HLTF: variants seen among roughly 807,000 people sequenced by gnomAD.
HLTF encodes helicase like transcription factor.
Under a neutral mutation model 129.4 loss-of-function variants are expected in HLTF, and 127 were observed. The observed-to-expected ratio is 0.98, with a 90% CI of 0.85 to 1.14. The LOEUF (loss-of-function observed/expected upper bound fraction) is 1.14. HLTF is among the 50% of genes most tolerant of loss of function. The pLI is 0.00. For synonymous variants in HLTF, 332 were observed against 388.8 expected (o/e 0.85, Z 1.72); for missense variants, 1,139 against 1,187.1 (o/e 0.96, Z 0.60).
At chr3:149,055,501 G>A in intron 13 of HLTF, 101 bp from the exon 14 acceptor site, 4 of 759,030 alleles carry the variant, frequency 5.3e-6, no homozygotes, top group Non-Finnish European at 8.9e-6. Flanking sequence ...AGATAAATTA[G>A]GAACAATTAA....
intron 19 of HLTF, 55 bp downstream of exon 19, chr3:149,042,111 C>A (rs1336448082): frequency 4.9e-5 from 75 of 1,530,050 alleles, no homozygotes; most frequent in Non-Finnish European, 6.4e-5. Context: ...ATTTATCACT[C>A]TTATTTAAGT....
At position 149,080,719 on chromosome 3, in the gene HLTF, ATAAG is replaced by A. The variant is rs1302452255; in HGVS notation, c.228+3959_228+3962del. Among the ~76,000 whole-genome samples, 5 of 152,224 alleles carry A rather than the reference ATAAG, an allele frequency of 3.3e-5. No individual in the cohort carries two copies. In the South Asian group the frequency reaches 8.3e-4, roughly 25 times the overall value. On this transcript the variant is annotated intron_variant, in intron 2 of 24. Transcript: ENST00000310053. ...TACAATTAGTTAACTGTCGTTACAA[ATAAG>A]TAATTACTAGAATTTTAAATAAAAT...
chr3:149,065,703 A>T (rs1372250485), intron 8 of HLTF, among the ~76,000 whole-genome samples: 1 of 152,070 alleles, frequency 6.6e-6, no homozygotes, highest in Non-Finnish European at 1.5e-5. Flanking sequence ...GGTGGCGGGC[A>T]CCTGTAATCC....
chr3:149,064,796 C>G lies in HLTF; in HGVS notation c.1061G>C (p.Ser354Thr), dbSNP rs755238421. 6.4e-7 allele frequency: 1 copy of G among 1,563,304 alleles called. No homozygotes were observed. The highest frequency in any genetic ancestry group is 2.2e-5 in the East Asian group (1 of 44,532). The change falls in exon 9 of 25, where the codon AGC becomes ACC. Residue 354 changes from serine (S) to threonine (T), a missense_variant. Physicochemically the swap from Ser to Thr is moderately conservative, Grantham distance 58. Transcript: ENST00000310053. ...NNTSEKADGLSKDASRCSEQP... is the reference protein window; with the variant it reads ...NNTSEKADGLTKDASRCSEQP... ...ATTTCAAAATTAGCATTTACCTTTG[C>G]TTAGTCCATCTGCCTTTTCACTGGT...
At chr3:149,066,529 ATT>A (rs775984967) in intron 8 of HLTF, among the ~76,000 whole-genome samples, 2 of 143,068 alleles carry the variant, frequency 1.4e-5, no homozygotes, top group African/African-American at 5.1e-5. Context: ...AAGAGTGACA[ATT>A]TTTTTTTTTT....
chr3:149,084,538 G>T, intron 2 of HLTF, 144 bp downstream of exon 2: 1 of 648,324 alleles, frequency 1.5e-6, no homozygotes, highest in South Asian at 2.0e-5. Context: ...GTCACTTAAG[G>T]TATTTGTTAT....
At chr3:149,043,847 G>A (rs1173276705) in intron 18 of HLTF, among the ~76,000 whole-genome samples, 2 of 152,120 alleles carry the variant, frequency 1.3e-5, no homozygotes, top group Non-Finnish European at 2.9e-5. Context: ...CAGTGGCATT[G>A]TAAAAGTACC....
chr3:149,081,127 CTT>C (rs1719826876), intron 2 of HLTF, among the ~76,000 whole-genome samples: 2 of 151,986 alleles, frequency 1.3e-5, no homozygotes, highest in South Asian at 2.1e-4. Flanking sequence ...TCACCTAACA[CTT>C]TTCTCAGAAA....
chr3:149,074,392 CT>C, intron 3 of HLTF, 44 bp from the exon 4 acceptor site: 1 of 1,540,246 alleles, frequency 6.5e-7, no homozygotes. Context: ...AGAAGCATTA[CT>C]TTTTATCCCC....
At chr3:149,035,527 G>C (rs1715500615) in intron 23 of HLTF, among the ~76,000 whole-genome samples, 1 of 150,916 alleles carries the variant, frequency 6.6e-6, no homozygotes, top group Admixed American at 6.6e-5. Flanking sequence ...GAGAGGTGGC[G>C]GGCGCCTGTA....
At chr3:149,036,595 C>T (rs991432118) in intron 23 of HLTF, among the ~76,000 whole-genome samples, 3 of 151,806 alleles carry the variant, frequency 2.0e-5, no homozygotes, top group Non-Finnish European at 2.9e-5. Flanking sequence ...GGCCATATTA[C>T]CCCAATACTT....
chr3:149,071,551 G>A, intron 6 of HLTF, 32 bp downstream of exon 6: 1 of 1,489,366 alleles, frequency 6.7e-7, no homozygotes, highest in Non-Finnish European at 9.3e-7. Context: ...AACATTCTGA[G>A]TAGTCTTAAA....
At chr3:149,062,232 T>C (rs181468952) in intron 10 of HLTF, among the ~76,000 whole-genome samples, 2 of 152,320 alleles carry the variant, frequency 1.3e-5, no homozygotes, top group Admixed American at 1.3e-4. Context: ...GTGTGTCAGC[T>C]GTTGTTAAGT....
At chr3:149,046,001 C>T in intron 18 of HLTF, 79 bp downstream of exon 18, 1 of 1,006,500 alleles carries the variant, frequency 9.9e-7, no homozygotes, top group Non-Finnish European at 1.5e-6. Flanking sequence ...ATTGCTAACA[C>T]ATCTAAATAA....
chr3:149,038,685 C>CT (rs1353623471), intron 23 of HLTF, among the ~76,000 whole-genome samples: 9 of 151,786 alleles, frequency 5.9e-5, no homozygotes, highest in Non-Finnish European at 8.8e-5. Context: ...TTTTCTGGTA[C>CT]TTTTTTTTGT....
chr3:149,073,609 G>A (rs1719064126), intron 4 of HLTF, among the ~76,000 whole-genome samples: 1 of 152,170 alleles, frequency 6.6e-6, no homozygotes, highest in Non-Finnish European at 1.5e-5. Context: ...TGGAAGGACT[G>A]CTGGAGCCCA....
At chr3:149,073,076 T>C (rs967505914) in intron 5 of HLTF, 149 bp downstream of exon 5, 10 of 450,374 alleles carry the variant, frequency 2.2e-5, no homozygotes, top group African/African-American at 1.8e-4. Flanking sequence ...CATATATATA[T>C]TCTATTTATT....
chr3:149,034,043 G>A lies in HLTF; in HGVS notation c.2877+875C>T, dbSNP rs186723924. Among the ~76,000 whole-genome samples, 35 of 152,138 alleles carry A rather than the reference G, an allele frequency of 2.3e-4. No individual in the cohort carries two copies. In the South Asian group the frequency reaches 7.3e-3, roughly 32 times the overall value. On this transcript the variant is annotated intron_variant, in intron 24 of 24. Transcript: ENST00000310053. ...ATTTGTACCATAACTATGAGAACTG[G>A]ACAGAAGATATAAATAATTCACAGA...
At chr3:149,044,174 A>C (rs922353054) in intron 18 of HLTF, among the ~76,000 whole-genome samples, 1 of 152,128 alleles carries the variant, frequency 6.6e-6, no homozygotes, top group African/African-American at 2.4e-5. Context: ...ATACTGACCT[A>C]ATAGGATTGC....
Sources: allele counts gnomAD v4.1 joint callset (sites outside exome capture counted in the v4.1 genomes callset), GRCh38; gene constraint gnomAD v4.1.1; transcripts MANE v1.5; gene names NCBI Gene and HGNC (gene_info 2026-07-23, HGNC 2026-07-21).